TNS1: variants seen among roughly 807,000 people sequenced by gnomAD.
TNS1 encodes the protein tensin-1.
Under a neutral mutation model 168.6 loss-of-function variants are expected in TNS1, and 62 were observed. The ratio of observed to expected loss-of-function variants is 0.37; its 90% CI spans 0.30 to 0.45. TNS1 has a LOEUF of 0.45. Among genes scored for constraint, TNS1 ranks in the 20% least tolerant of loss-of-function variants. The pLI, the probability that TNS1 is intolerant of heterozygous loss-of-function variation, is 1.00. For missense variants in TNS1, 2,240 were observed against 2,339.4 expected, an observed-to-expected ratio of 0.96 and a Z score of 0.88; for synonymous variants, 934 against 933.2, an observed-to-expected ratio of 1.00 and a Z score of -0.02.
intron 4 of TNS1, among the ~76,000 whole-genome samples, chr2:217,918,799 G>A (rs1303144850): frequency 1.4e-5 from 2 of 141,542 alleles, no homozygotes; most frequent in African/African-American, 2.6e-5. Context: ...CAATCCAAGC[G>A]CGATTTCTTG....
chr2:217,821,483 C>A (rs1250428602), intron 23 of TNS1, among the ~76,000 whole-genome samples: 1 of 152,228 alleles, frequency 6.6e-6, no homozygotes, highest in Non-Finnish European at 1.5e-5. Context: ...GTACCCTTCA[C>A]TCCTTCCAGC....
chr2:217,808,133 T>C (rs779417183), intron 31 of TNS1, 26 bp from the exon 32 acceptor site: 26 of 1,611,550 alleles, frequency 1.6e-5, no homozygotes, highest in Non-Finnish European at 2.1e-5. Flanking sequence ...GGGCTCAGGG[T>C]AAATCATCGT....
chr2:217,842,878 A>G (rs1574758389), intron 19 of TNS1, among the ~76,000 whole-genome samples: 1 of 152,094 alleles, frequency 6.6e-6, no homozygotes. Context: ...CCCAGCCCTG[A>G]TCATCCCATG....
chr2:217,938,115 A>G (rs980675), intron 3 of TNS1, among the ~76,000 whole-genome samples: 151,468 of 152,300 alleles, frequency 0.99, 75,324 homozygotes, highest in Middle Eastern at 1. Context: ...GCTCAGGAAC[A>G]CTCCCCAGCT....
At chr2:217,884,759 A>G (rs1951032397) in intron 16 of TNS1, among the ~76,000 whole-genome samples, 1 of 152,222 alleles carries the variant, frequency 6.6e-6, no homozygotes, top group African/African-American at 2.4e-5. Context: ...GACAAGATGA[A>G]GGAGAGACAG....
At chr2:217,942,772 G>T (rs1016361463) in intron 3 of TNS1, among the ~76,000 whole-genome samples, 1 of 143,612 alleles carries the variant, frequency 7.0e-6, no homozygotes, top group Non-Finnish European at 1.5e-5. Context: ...CCCCACAACC[G>T]CCTGCCTGCC....
intron 2 of TNS1, among the ~76,000 whole-genome samples, chr2:217,980,933 C>G (rs1318523091): frequency 6.6e-6 from 1 of 152,204 alleles, no homozygotes; most frequent in Non-Finnish European, 1.5e-5. Context: ...AAGTCATCTC[C>G]TCAAAGAGGC....
chr2:217,831,145 G>A (rs1023521577), intron 22 of TNS1, among the ~76,000 whole-genome samples: 1 of 152,124 alleles, frequency 6.6e-6, no homozygotes, highest in African/African-American at 2.4e-5. Flanking sequence ...GTACCCGAGG[G>A]CCTGAACACC....
At chr2:217,871,777 G>A (rs1471253738) in intron 18 of TNS1, among the ~76,000 whole-genome samples, 1 of 152,254 alleles carries the variant, frequency 6.6e-6, no homozygotes, top group Non-Finnish European at 1.5e-5. Context: ...AGGGAGACAG[G>A]GCTACACAGG....
chr2:218,018,994 T>G (rs1184154081), intron 1 of TNS1, among the ~76,000 whole-genome samples: 1 of 151,974 alleles, frequency 6.6e-6, no homozygotes, highest in East Asian at 1.9e-4. Context: ...GGAGAATTGC[T>G]TGACCCTGGG....
chr2:217,809,762 G>A (rs528199651), intron 30 of TNS1, 61 bp downstream of exon 30: 33 of 1,532,272 alleles, frequency 2.2e-5, no homozygotes, highest in African/African-American at 5.4e-5. Context: ...GTGGGTACAC[G>A]GATGAATAGA....
At chr2:217,980,873 C>A (rs1265903796) in intron 2 of TNS1, among the ~76,000 whole-genome samples, 1 of 152,168 alleles carries the variant, frequency 6.6e-6, no homozygotes, top group Non-Finnish European at 1.5e-5. Flanking sequence ...CACCCCAGCA[C>A]CCCATCGTTC....
chr2:217,868,769 G>A (rs1949508945), intron 18 of TNS1, among the ~76,000 whole-genome samples: 1 of 152,256 alleles, frequency 6.6e-6, no homozygotes, highest in African/African-American at 2.4e-5. Context: ...GACAGCCTGA[G>A]TCCCAAGGCC....
At chr2:217,816,255 A>C (rs552744119) in intron 24 of TNS1, among the ~76,000 whole-genome samples, 1 of 152,290 alleles carries the variant, frequency 6.6e-6, no homozygotes, top group East Asian at 1.9e-4. Context: ...TTGGCACCAA[A>C]GAAAACACAA....
chr2:217,835,069 G>A lies in TNS1; in HGVS notation c.3280+22C>T, dbSNP rs1008484085. The stretch of plus-strand genomic sequence containing the variant: ...GGGCTGGAGGGTACACAGGGAAGAC[G>A]AGCTTCACAGGGAATTCTTACCCCC... On this transcript the variant is annotated intron_variant, in intron 21 of 32. Coordinates refer to ENST00000682258, the MANE Select transcript of TNS1 (RefSeq NM_001387777.1). 7.1e-6 allele frequency: 11 copies of A among 1,558,224 alleles called. 1 individual carries two copies. Among genetic ancestry groups the A allele is most frequent in the South Asian group, 4.9e-5 (4 of 81,168 alleles).
chr2:218,015,808 G>A (rs1203743604), intron 1 of TNS1, among the ~76,000 whole-genome samples: 2 of 152,168 alleles, frequency 1.3e-5, no homozygotes, highest in African/African-American at 4.8e-5. Context: ...GGATCCCACA[G>A]GCCAGAGCAT....
chr2:217,870,371 A>T (rs1949667761), intron 18 of TNS1, among the ~76,000 whole-genome samples: 1 of 152,198 alleles, frequency 6.6e-6, no homozygotes, highest in Non-Finnish European at 1.5e-5. Context: ...AACAGAAAGG[A>T]AGGAAGGAAA....
At chr2:217,950,922 C>A (rs948438458) in intron 3 of TNS1, among the ~76,000 whole-genome samples, 5 of 152,036 alleles carry the variant, frequency 3.3e-5, no homozygotes, top group African/African-American at 9.6e-5. Flanking sequence ...CCCCGGGCTC[C>A]GAGGGAAAAT....
chr2:217,950,948 C>A (rs1226405864), intron 3 of TNS1, among the ~76,000 whole-genome samples: 1 of 152,014 alleles, frequency 6.6e-6, no homozygotes, highest in East Asian at 1.9e-4. Flanking sequence ...CGTTGCTGCA[C>A]CCTCCTCCGC....
Sources: allele counts gnomAD v4.1 joint callset (sites outside exome capture counted in the v4.1 genomes callset), GRCh38; gene constraint gnomAD v4.1.1; transcripts MANE v1.5; gene names NCBI Gene and HGNC (gene_info 2026-07-23, HGNC 2026-07-21).